The following MID1 variants were observed in gnomAD, a reference collection of about 807,000 sequenced individuals.
MID1 encodes E3 ubiquitin-protein ligase Midline-1.
Under a neutral mutation model 40.4 loss-of-function variants are expected in MID1, and 7 were observed. The ratio of observed to expected loss-of-function variants is 0.17; its 90% CI spans 0.10 to 0.33. MID1 has a LOEUF of 0.33. Ranked by LOEUF, MID1 falls within the 10% of genes least tolerant of loss-of-function variation. The pLI is 1.00. For synonymous variants in MID1, 229 were observed against 221.2 expected (o/e 1.04, Z -0.31); for missense variants, 367 against 558.5 (o/e 0.66, Z 3.46).
intron 1 of MID1, among the ~76,000 whole-genome samples, chrX:10,827,995 G>A (rs979854252): frequency 2.7e-5 from 3 of 111,166 alleles, no homozygotes; most frequent in African/African-American, 9.8e-5. Flanking sequence ...CTATCTAAAA[G>A]AGAATAACTC....
At chrX:10,471,152 T>C (rs1288958741) in intron 6 of MID1, among the ~76,000 whole-genome samples, 1 of 111,936 alleles carries the variant, frequency 8.9e-6, no homozygotes, top group Non-Finnish European at 1.9e-5. Flanking sequence ...CACTAGAATC[T>C]CACTTCAAAA....
intron 3 of MID1, among the ~76,000 whole-genome samples, chrX:10,505,034 G>C (rs1250898955): frequency 2.7e-5 from 3 of 111,911 alleles, no homozygotes; most frequent in Non-Finnish European, 3.8e-5. Flanking sequence ...TTGAATTTCT[G>C]TGAGAATGTT....
chrX:10,783,630 T>C lies in MID1; in HGVS notation c.-187+49924A>G, dbSNP rs895333047. ...AAAGAAAAGTCCTCAACACCAACAA[T>C]ACATCCTAGTGTTCTTAGAAGTTGA... On this transcript the variant is annotated intron_variant, in intron 1 of 10. Coordinates refer to the MID1 transcript ENST00000380785. Among the ~76,000 whole-genome samples the C allele has an allele frequency of 3.6e-5, 4 of 112,101 alleles. No homozygotes were observed. In the Admixed American group the frequency reaches 3.8e-4, roughly 11 times the overall value.
chrX:10,555,864 C>T (rs1038597451), intron 2 of MID1, among the ~76,000 whole-genome samples: 8 of 110,891 alleles, frequency 7.2e-5, no homozygotes, highest in Non-Finnish European at 1.5e-4. Flanking sequence ...AGGCACCCTG[C>T]ACAACTGGCA....
chrX:10,796,864 G>A (rs192575539), intron 1 of MID1, among the ~76,000 whole-genome samples: 83 of 110,916 alleles, frequency 7.5e-4, no homozygotes, highest in African/African-American at 2.5e-3. Flanking sequence ...AATTGCTTGG[G>A]GGGCAGGTTG....
At chrX:10,812,139 C>T (rs1370068204) in intron 1 of MID1, among the ~76,000 whole-genome samples, 1 of 111,580 alleles carries the variant, frequency 9.0e-6, no homozygotes, top group East Asian at 2.8e-4. Flanking sequence ...AGCTAAAGTG[C>T]TGAATAGATT....
At position 10,777,501 on chromosome X, in the gene MID1, T is replaced by C. The variant is rs112118458; in HGVS notation, c.-187+56053A>G. Among the ~76,000 whole-genome samples, 163 of 110,830 alleles carry C rather than the reference T, an allele frequency of 1.5e-3. 2 individuals are homozygous for C. Among genetic ancestry groups the C allele is most frequent in the African/African-American group, 4.9e-3 (150 of 30,551 alleles). On this transcript the variant is annotated intron_variant, in intron 1 of 10. Transcript: ENST00000380785. ...CTTGAGCCACCACACCAGGCCTTTT[T>C]TTCTTTATATTCTTATTATATAAGC...
At chrX:10,723,969 G>A (rs2043374310) in intron 1 of MID1, among the ~76,000 whole-genome samples, 1 of 112,748 alleles carries the variant, frequency 8.9e-6, no homozygotes, top group African/African-American at 3.2e-5. Flanking sequence ...TGTATTGCAT[G>A]CTAATTGCAC....
intron 1 of MID1, among the ~76,000 whole-genome samples, chrX:10,783,109 T>G (rs2043857687): frequency 8.9e-6 from 1 of 112,038 alleles, no homozygotes; most frequent in Non-Finnish European, 1.9e-5. Flanking sequence ...CTGTATTTAA[T>G]TTAATTCAAA....
rs771134928 is a variant in MID1, at chrX:10,474,726, G to T, written c.1038C>A (p.Ser346=). The change falls in exon 6 of 10, where the codon TCC becomes TCA. Residue 346 remains serine, a synonymous_variant. Transcript: ENST00000317552. Reference sequence around the variant, plus strand: ...GGTTGATTTCAGGAATTAGAACCTGGGAGGATGCAGTTGCCATGGAGACTC... The same window carrying T: ...GGTTGATTTCAGGAATTAGAACCTGTGAGGATGCAGTTGCCATGGAGACTC... ...TERVSMATAS[S]QVLIPEINLN... is the part of the protein sequence containing the mutation. 8.3e-7 allele frequency: 1 copy of T among 1,209,261 alleles called. No individual in the cohort carries two copies. The highest frequency in any genetic ancestry group is 1.8e-5 in the South Asian group (1 of 56,926).
In MID1 at chrX:10,824,226, G is replaced by T. The variant is rs192568251; in HGVS notation, c.-187+9328C>A. ...ACAGGAAAAACAGACCAGAAGGCTT[G>T]ATGGTGTGCAAAGCTCACATCTTTA... On this transcript the variant is annotated intron_variant, in intron 1 of 10. Transcript: ENST00000380785. Among the ~76,000 whole-genome samples the T allele has an allele frequency of 3.7e-4, 41 of 112,042 alleles. No individual in the cohort carries two copies. The East Asian group carries it at 0.012, about 31-fold the overall frequency.
At chrX:10,697,011 T>G (rs2043167090) in intron 1 of MID1, among the ~76,000 whole-genome samples, 1 of 112,308 alleles carries the variant, frequency 8.9e-6, no homozygotes, top group African/African-American at 3.2e-5. Context: ...CTTTACTTTC[T>G]TATACATTGG....
intron 1 of MID1, among the ~76,000 whole-genome samples, chrX:10,758,489 T>C (rs1242301903): frequency 1.3e-5 from 1 of 79,862 alleles, no homozygotes; most frequent in Non-Finnish European, 2.4e-5. Context: ...TTTCCTTTTT[T>C]TTTTTTTTTT....
intron 1 of MID1, among the ~76,000 whole-genome samples, chrX:10,611,606 G>A (rs1935737922): frequency 9.0e-6 from 1 of 111,225 alleles, no homozygotes; most frequent in Admixed American, 9.6e-5. Flanking sequence ...CAGAAAACTG[G>A]ATGGCCTCTA....
intron 8 of MID1, among the ~76,000 whole-genome samples, chrX:10,457,311 T>A (rs1296884557): frequency 9.0e-6 from 1 of 111,437 alleles, no homozygotes; most frequent in South Asian, 3.8e-4. Context: ...CACCCACGCA[T>A]GTGTGGAGCA....
intron 5 of MID1, among the ~76,000 whole-genome samples, chrX:10,482,070 T>C (rs890535175): frequency 9.0e-6 from 1 of 111,713 alleles, no homozygotes; most frequent in African/African-American, 3.3e-5. Flanking sequence ...TAAAAAAAAA[T>C]AGATGAGCCC....
intron 1 of MID1, among the ~76,000 whole-genome samples, chrX:10,827,414 A>T (rs2044222723): frequency 9.2e-6 from 1 of 109,046 alleles, no homozygotes; most frequent in Non-Finnish European, 1.9e-5. Flanking sequence ...CCACTCAAAG[A>T]AAAAGGAAGG....
intron 1 of MID1, among the ~76,000 whole-genome samples, chrX:10,761,821 T>C (rs190134895): frequency 8.9e-6 from 1 of 112,210 alleles, no homozygotes; most frequent in African/African-American, 3.2e-5. Flanking sequence ...AGGTAACTGA[T>C]ACAGCATTAA....
chrX:10,571,766 A>G (rs1934732147), intron 1 of MID1, among the ~76,000 whole-genome samples: 1 of 110,032 alleles, frequency 9.1e-6, no homozygotes, highest in Non-Finnish European at 1.9e-5. Flanking sequence ...AATAAAAATA[A>G]AAAAATTAGC....
Sources: gnomAD v4.1 joint callset for allele counts (sites outside exome capture counted in the v4.1 genomes callset) on GRCh38, gnomAD v4.1.1 for gene constraint, MANE v1.5 for transcripts, NCBI Gene and HGNC (gene_info 2026-07-23, HGNC 2026-07-21) for gene names.